RAB11FIP1: variants seen among roughly 807,000 people sequenced by gnomAD.
RAB11FIP1 encodes the protein rab11 family-interacting protein 1.
RAB11FIP1 carries 49 observed loss-of-function variants against 83.1 expected under a neutral mutation model. The ratio of observed to expected loss-of-function variants is 0.59; its 90% confidence interval spans 0.47 to 0.75. The LOEUF (loss-of-function observed/expected upper bound fraction) is 0.75, where lower values mean the gene tolerates loss of function less well. Ranked by LOEUF, RAB11FIP1 falls within the 30% of genes least tolerant of loss-of-function variation. The pLI is 0.00. For missense variants in RAB11FIP1, 1,536 were observed against 1,598.7 expected (o/e 0.96, Z 0.67); for synonymous variants, 670 against 656.0 (o/e 1.02, Z -0.33).
At chr8:37,886,032 T>G (rs118139504) in intron 1 of RAB11FIP1, among the ~76,000 whole-genome samples, 2 of 152,336 alleles carry the variant, frequency 1.3e-5, no homozygotes, top group East Asian at 3.9e-4. Context: ...AAATAATCTT[T>G]CTGCAGCTGA....
Position 37,872,473 on chromosome 8 carries a change from T to C in RAB11FIP1, c.2329A>G (p.Met777Val), listed in dbSNP as rs1806492153. The change falls in exon 4 of 6, where the codon ATG becomes GTG. Residue 777 changes from methionine (M) to valine (V), a missense_variant. By Grantham distance (21) the Met-to-Val change is conservative (BLOSUM62 1). Transcript: ENST00000330843. ...AAEEVAPPLP[M>V]GASVPSIDSM... ...TCAATGGAAGGGACTGATGCTCCCATGGGAAGAGGGGGCGCCACTTCTTCA... is the reference window on the plus strand; with the variant it reads ...TCAATGGAAGGGACTGATGCTCCCACGGGAAGAGGGGGCGCCACTTCTTCA... The C allele has an allele frequency of 1.9e-6, 3 of 1,613,970 alleles. No homozygotes were observed. The highest frequency in any genetic ancestry group is 2.5e-6 in the Non-Finnish European group (3 of 1,180,008).
chr8:37,872,659 C>G lies in RAB11FIP1; in HGVS notation c.2143G>C (p.Asp715His). Residue 715 changes from aspartate to histidine, a missense_variant, in exon 4 of 6, where the codon GAC becomes CAC. Asp to His is a moderately conservative substitution (Grantham distance 81). Transcript: ENST00000330843. The stretch of plus-strand genomic sequence containing the variant: ...GCTTCTCCAGATGATGGGCTGTAGT[C>G]TTGTTTTTTGCAGGGGAATCTCGGA... ...ELPRFPCKKQ[D>H]YSPSSGEAQE... is the part of the protein sequence containing the mutation. 1 of 1,614,212 alleles carries G rather than the reference C, an allele frequency of 6.2e-7. No individual in the cohort carries two copies. Among genetic ancestry groups the G allele is most frequent in the Non-Finnish European group, 8.5e-7 (1 of 1,180,038 alleles).
At chr8:37,892,095 G>A (rs1310879873) in intron 1 of RAB11FIP1, among the ~76,000 whole-genome samples, 1 of 152,126 alleles carries the variant, frequency 6.6e-6, no homozygotes, top group Non-Finnish European at 1.5e-5. Flanking sequence ...CCACTTCCTG[G>A]TTCACTTTCA....
At chr8:37,883,213 T>C (rs570719720) in intron 1 of RAB11FIP1, among the ~76,000 whole-genome samples, 1 of 152,210 alleles carries the variant, frequency 6.6e-6, no homozygotes, top group East Asian at 1.9e-4. Flanking sequence ...GTCTGTTTGT[T>C]TTAGAGACTG....
Position 37,861,965 on chromosome 8 carries a change from G to C in RAB11FIP1, c.*930C>G, listed in dbSNP as rs192690989. On this transcript the variant is annotated 3_prime_UTR_variant, in exon 6 of 6. Coordinates refer to ENST00000330843, the MANE Select transcript of RAB11FIP1 (RefSeq NM_001002814.3). The stretch of plus-strand genomic sequence containing the variant: ...ACAAGGAGTGTTGCTGAGGAAACCA[G>C]AGCACCGAGCAAAGGCACAGGGGGA... The C allele has an allele frequency of 2.6e-5, 5 of 191,930 alleles. 1 individual carries two copies. In the Admixed American group the frequency reaches 2.7e-4, roughly 10 times the overall value. The allele number at this position is 191,930 out of a possible 1,614,324, so 11.9% of individuals were successfully genotyped here. A position where few individuals can be genotyped will look rare whatever the true frequency, so the allele number is the denominator to read the frequency against.
In RAB11FIP1 at chr8:37,874,987, A is replaced by G; in HGVS notation, c.1150T>C (p.Ser384Pro). ...GACTTCAAGGAGTCCTTGGTGGAAG[A>G]TTCGGAGAGCTGCCTGTCAGAAGAC... ...GLSSDRQLSE[S>P]STKDSLKSMT... Residue 384 changes from serine (S) to proline (P), a missense_variant, in exon 3 of 6, where the codon TCT becomes CCT. Coordinates refer to ENST00000330843, the MANE Select transcript of RAB11FIP1 (RefSeq NM_001002814.3). 10 of 1,614,106 alleles carry G rather than the reference A, an allele frequency of 6.2e-6. No homozygotes were observed. Among genetic ancestry groups the G allele is most frequent in the Non-Finnish European group, 7.6e-6 (9 of 1,180,020 alleles).
chr8:37,892,175 A>G (rs1006326242), intron 1 of RAB11FIP1, among the ~76,000 whole-genome samples: 2 of 151,996 alleles, frequency 1.3e-5, no homozygotes, highest in Non-Finnish European at 2.9e-5. Context: ...ACCATATCCA[A>G]TCCATCATAT....
chr8:37,893,493 A>C (rs566706904), intron 1 of RAB11FIP1, among the ~76,000 whole-genome samples: 57 of 152,246 alleles, frequency 3.7e-4, no homozygotes, highest in Admixed American at 1.3e-3. Context: ...TGACTACAAG[A>C]ATGGATGAGG....
In RAB11FIP1 at chr8:37,873,135, G is replaced by T. The variant is rs750045021; in HGVS notation, c.1667C>A (p.Ser556Tyr). The T allele has an allele frequency of 1.4e-5, 23 of 1,609,754 alleles. No homozygotes were observed. The highest frequency in any genetic ancestry group is 3.3e-4 in the Middle Eastern group (2 of 5,974). Residue 556 changes from serine to tyrosine, a missense_variant, in exon 4 of 6, where the codon TCC (serine) becomes TAC (tyrosine). By Grantham distance (144) the Ser-to-Tyr change is moderately radical. Transcript: ENST00000330843. ...PEAQPTARLP[S>Y]PTDSPSSLPP... ...AAGAGAGGAAGGGGAGTCAGTAGGG[G>T]AAGGAAGCCTGGCTGTGGGTTGCGC...
chr8:37,870,474 G>A lies in RAB11FIP1; in HGVS notation c.3579C>T (p.Ser1193=), dbSNP rs1276483909. The part of the protein sequence containing the change: ...NAMATKVANC[S]LGTATIISEN... Reference sequence around the variant, plus strand: ...CACTGATGATGGTGGCAGTTCCCAAGCTGCAGTTAGCAACCTTGGTGGCCA... The same window carrying A: ...CACTGATGATGGTGGCAGTTCCCAAACTGCAGTTAGCAACCTTGGTGGCCA... Residue 1193 remains serine, a synonymous_variant, in exon 5 of 6, where the codon AGC becomes AGT. Coordinates refer to ENST00000330843, the MANE Select transcript of RAB11FIP1 (RefSeq NM_001002814.3). 2 of 1,611,642 alleles carry A rather than the reference G, an allele frequency of 1.2e-6. No homozygotes were observed. The highest frequency in any genetic ancestry group is 1.3e-5 in the African/African-American group (1 of 74,996).
chr8:37,894,729 T>TATATATATATATATAC (rs1225758575), intron 1 of RAB11FIP1, among the ~76,000 whole-genome samples: 2 of 147,512 alleles, frequency 1.4e-5, no homozygotes, highest in Admixed American at 6.8e-5. Flanking sequence ...TATACATATA[T>TATATATATATATATAC]ATATATATAT....
Position 37,859,886 on chromosome 8 carries a change from GGCTCAGAACAGGCTAAA to G in RAB11FIP1, c.*2992_*3008del. 6.6e-6 allele frequency: 1 copy of G among 152,352 alleles called. No homozygotes were observed. Among genetic ancestry groups the G allele is most frequent in the Middle Eastern group, 3.4e-3 (1 of 294 alleles). The allele number at this position is 152,352 out of a possible 1,614,324, so 9.4% of individuals were successfully genotyped here. On this transcript the variant is annotated 3_prime_UTR_variant, in exon 6 of 6. Coordinates refer to ENST00000330843, the MANE Select transcript of RAB11FIP1 (RefSeq NM_001002814.3). ...CTCCAATTCACTAATGTCTCCTAAT[GGCTCAGAACAGGCTAAA>G]GCTTCTCCCAGATAACCCCTCCCCC... is the stretch of plus-strand genomic sequence containing the variant.
chr8:37,876,973 A>C (rs1806626333), intron 2 of RAB11FIP1, 136 bp downstream of exon 2: 5 of 715,278 alleles, frequency 7.0e-6, no homozygotes. Context: ...CGCTATCATC[A>C]TCCCCACCAC....
intron 1 of RAB11FIP1, among the ~76,000 whole-genome samples, 167 bp downstream of exon 1, chr8:37,898,904 G>A (rs1329096588): frequency 6.6e-6 from 1 of 151,378 alleles, no homozygotes; most frequent in African/African-American, 2.4e-5. Context: ...CGGGACAGCC[G>A]CAGAAGGGGA....
intron 5 of RAB11FIP1, 68 bp from the exon 6 acceptor site, chr8:37,863,181 A>ACCTAAAAG: frequency 7.9e-7 from 1 of 1,262,980 alleles, no homozygotes; most frequent in Non-Finnish European, 1.1e-6. Context: ...AAAACCTAAA[A>ACCTAAAAG]GAAGTACAAA....
In RAB11FIP1 at chr8:37,861,495, T is replaced by C. The variant is rs955491483; in HGVS notation, c.*1400A>G. The C allele has an allele frequency of 2.4e-6, 1 of 422,478 alleles. No homozygotes were observed. Among genetic ancestry groups the C allele is most frequent in the African/African-American group, 2.1e-5 (1 of 47,538 alleles). 26.2% of individuals were successfully genotyped at this position (422,478 alleles called of 1,614,324 possible). ...AGACATGCAGATGCAGTTCAATCCC[T>C]TTGGGGTCCAATCCATGGTCTCCTG... On this transcript the variant is annotated 3_prime_UTR_variant, in exon 6 of 6. Transcript: ENST00000330843.
chr8:37,886,087 T>C (rs1305706509), intron 1 of RAB11FIP1, among the ~76,000 whole-genome samples: 1 of 152,182 alleles, frequency 6.6e-6, no homozygotes, highest in Non-Finnish European at 1.5e-5. Context: ...AGAGCAGACA[T>C]ATGCAGAGAA....
Position 37,861,560 on chromosome 8 carries a change from T to C in RAB11FIP1, c.*1335A>G, listed in dbSNP as rs1461628495. On this transcript the variant is annotated 3_prime_UTR_variant, in exon 6 of 6. Transcript: ENST00000330843. ...AAGGGGCTTCTTTTTTTCTTTTTAG[T>C]TTTTTTTAAGACAGAGTCTTAAAAA... 4.5e-6 allele frequency: 2 copies of C among 441,214 alleles called. No homozygotes were observed. Among genetic ancestry groups the C allele is most frequent in the African/African-American group, 4.1e-5 (2 of 48,360 alleles). 27.3% of individuals were successfully genotyped at this position (441,214 alleles called of 1,614,324 possible).
At chr8:37,898,969 C>T in intron 1 of RAB11FIP1, 102 bp downstream of exon 1, 5 of 1,246,216 alleles carry the variant, frequency 4.0e-6, no homozygotes, top group East Asian at 3.1e-5. Context: ...AGGCCTTCCC[C>T]GCTGCTGCCC....
Sources: gnomAD v4.1 joint callset for allele counts (sites outside exome capture counted in the v4.1 genomes callset) on GRCh38, gnomAD v4.1.1 for gene constraint, MANE v1.5 for transcripts, NCBI Gene and HGNC (gene_info 2026-07-23, HGNC 2026-07-21) for gene names.